The following ST6GALNAC3 variants were observed in gnomAD, a reference collection of about 807,000 sequenced individuals.
ST6GALNAC3 encodes the protein alpha-N-acetylgalactosaminide alpha-2,6-sialyltransferase 3.
ST6GALNAC3 carries 25 observed loss-of-function variants against 32.7 expected under a neutral mutation model. The ratio of observed to expected loss-of-function variants is 0.76; its 90% confidence interval spans 0.56 to 1.07. The LOEUF is 1.07. ST6GALNAC3 is among the 50% of genes least tolerant of loss of function. The pLI is 0.00. For synonymous variants in ST6GALNAC3, 129 were observed against 133.1 expected (o/e 0.97, Z 0.21); for missense variants, 355 against 382.4 (o/e 0.93, Z 0.60).
intron 3 of ST6GALNAC3, among the ~76,000 whole-genome samples, chr1:76,625,336 C>T (rs1648898431): frequency 6.6e-6 from 1 of 151,856 alleles, no homozygotes; most frequent in African/African-American, 2.4e-5. Flanking sequence ...TGAGTAAATA[C>T]ATGAGACCTG....
At chr1:76,503,942 C>A (rs1661327208) in intron 3 of ST6GALNAC3, among the ~76,000 whole-genome samples, 1 of 152,162 alleles carries the variant, frequency 6.6e-6, no homozygotes, top group South Asian at 2.1e-4. Context: ...CCCAGGCAAC[C>A]ACAAACTTTT....
At chr1:76,341,605 T>TTTCC (rs952057105) in intron 2 of ST6GALNAC3, among the ~76,000 whole-genome samples, 5 of 91,186 alleles carry the variant, frequency 5.5e-5, no homozygotes, top group African/African-American at 1.3e-4. Flanking sequence ...TCCAAACTGC[T>TTTCC]TTTCTTTCTT....
At chr1:76,436,859 A>C (rs1444220242) in intron 3 of ST6GALNAC3, among the ~76,000 whole-genome samples, 1 of 152,092 alleles carries the variant, frequency 6.6e-6, no homozygotes, top group African/African-American at 2.4e-5. Flanking sequence ...GAATTTTTTT[A>C]AGTTGTTCCC....
intron 1 of ST6GALNAC3, among the ~76,000 whole-genome samples, chr1:76,106,643 A>G (rs1385645502): frequency 1.3e-5 from 2 of 152,172 alleles, no homozygotes; most frequent in Admixed American, 1.3e-4. Flanking sequence ...CAGCAACAAC[A>G]TACTTTTCTT....
At chr1:76,220,661 AG>A (rs1383813655) in intron 1 of ST6GALNAC3, among the ~76,000 whole-genome samples, 4 of 152,166 alleles carry the variant, frequency 2.6e-5, no homozygotes, top group African/African-American at 9.7e-5. Flanking sequence ...TGAATGAAGT[AG>A]GGTTTAAGCC....
intron 2 of ST6GALNAC3, among the ~76,000 whole-genome samples, chr1:76,338,488 C>G (rs113020679): frequency 5.6e-4 from 85 of 152,270 alleles, no homozygotes; most frequent in Middle Eastern, 3.4e-3. Flanking sequence ...CATCCCTGGC[C>G]CCCTGCACTG....
chr1:76,529,822 T>A (rs1196624655), intron 3 of ST6GALNAC3, among the ~76,000 whole-genome samples: 1 of 152,198 alleles, frequency 6.6e-6, no homozygotes, highest in Non-Finnish European at 1.5e-5. Context: ...GGGCAAATTG[T>A]TTTACCTCTC....
Position 76,334,499 on chromosome 1 carries a change from C to T in ST6GALNAC3, c.213+20500C>T, listed in dbSNP as rs368440699. The stretch of plus-strand genomic sequence containing the variant: ...GGAAGTAGAAGATACATACACCCAA[C>T]AAAAGATACCATGTTAGAAGTACAA... On this transcript the variant is annotated intron_variant, in intron 2 of 4. Coordinates refer to ENST00000328299, the MANE Select transcript of ST6GALNAC3 (RefSeq NM_152996.4). Among the ~76,000 whole-genome samples, 18 of 152,306 alleles carry T rather than the reference C, an allele frequency of 1.2e-4. 1 individual carries two copies. The highest frequency in any genetic ancestry group is 4.3e-4 in the African/African-American group (18 of 41,572).
chr1:76,106,918 C>T (rs1045159330), intron 1 of ST6GALNAC3, among the ~76,000 whole-genome samples: 11 of 152,212 alleles, frequency 7.2e-5, no homozygotes, highest in Non-Finnish European at 1.5e-4. Context: ...ATACATTTCC[C>T]GTTGCTCAAG....
intron 1 of ST6GALNAC3, among the ~76,000 whole-genome samples, chr1:76,230,792 G>A (rs1656322929): frequency 6.6e-6 from 1 of 152,108 alleles, no homozygotes; most frequent in Non-Finnish European, 1.5e-5. Flanking sequence ...AACATTCCTG[G>A]AATTTTAAGA....
chr1:76,339,620 C>T (rs1447277415), intron 2 of ST6GALNAC3, among the ~76,000 whole-genome samples: 3 of 151,988 alleles, frequency 2.0e-5, no homozygotes, highest in Non-Finnish European at 4.4e-5. Flanking sequence ...GGGCTTTATC[C>T]ACTATAAAAT....
chr1:76,600,759 T>C (rs986032127), intron 3 of ST6GALNAC3, among the ~76,000 whole-genome samples: 7 of 152,260 alleles, frequency 4.6e-5, no homozygotes, highest in African/African-American at 1.7e-4. Flanking sequence ...GAATATGGAT[T>C]GGCTTTAATA....
intron 1 of ST6GALNAC3, among the ~76,000 whole-genome samples, chr1:76,187,691 G>A (rs1653641944): frequency 2.0e-5 from 3 of 152,044 alleles, no homozygotes; most frequent in Admixed American, 2.0e-4. Flanking sequence ...GAGTTATGCT[G>A]ATCGAAGACT....
At chr1:76,482,956 A>G (rs1289860352) in intron 3 of ST6GALNAC3, among the ~76,000 whole-genome samples, 1 of 137,662 alleles carries the variant, frequency 7.3e-6, no homozygotes, top group Non-Finnish European at 1.5e-5. Flanking sequence ...ATTCCCACCT[A>G]TGAGTGAGAA....
At chr1:76,118,909 G>A (rs1648668250) in intron 1 of ST6GALNAC3, among the ~76,000 whole-genome samples, 1 of 152,144 alleles carries the variant, frequency 6.6e-6, no homozygotes, top group Non-Finnish European at 1.5e-5. Flanking sequence ...TGCAACCTCT[G>A]TCTCCCGGGT....
At chr1:76,319,652 A>G (rs1039293774) in intron 2 of ST6GALNAC3, among the ~76,000 whole-genome samples, 8 of 152,340 alleles carry the variant, frequency 5.3e-5, no homozygotes, top group Non-Finnish European at 1.0e-4. Flanking sequence ...GTGCAAATGT[A>G]TGTCCCAAAA....
At chr1:76,194,355 C>A (rs115695552) in intron 1 of ST6GALNAC3, among the ~76,000 whole-genome samples, 1 of 151,744 alleles carries the variant, frequency 6.6e-6, no homozygotes, top group Admixed American at 6.6e-5. Flanking sequence ...GTTTTAGGAC[C>A]CTTCTACATT....
In ST6GALNAC3 at chr1:76,367,778, T is replaced by C. The variant is rs116325494; in HGVS notation, c.214-44230T>C. ...TGTTGCTGGAAATTTGAAGCTACCG[T>C]CTAGAAACAAAGGTCTTGGTCTCAG... On this transcript the variant is annotated intron_variant, in intron 2 of 4. Coordinates refer to ENST00000328299, the MANE Select transcript of ST6GALNAC3 (RefSeq NM_152996.4). Among the ~76,000 whole-genome samples the C allele has an allele frequency of 9.7e-3, 1,471 of 152,188 alleles. 17 individuals are homozygous for C. The highest frequency in any genetic ancestry group is 0.033 in the African/African-American group (1,389 of 41,520).
chr1:76,327,792 G>A (rs1485143958), intron 2 of ST6GALNAC3, among the ~76,000 whole-genome samples: 1 of 152,082 alleles, frequency 6.6e-6, no homozygotes, highest in African/African-American at 2.4e-5. Flanking sequence ...GTTTCACCAT[G>A]TTGGCCAAGC....
Sources: allele counts gnomAD v4.1 joint callset (sites outside exome capture counted in the v4.1 genomes callset), GRCh38; gene constraint gnomAD v4.1.1; transcripts MANE v1.5; gene names NCBI Gene and HGNC (gene_info 2026-07-23, HGNC 2026-07-21).